The following UPP2 variants were observed in gnomAD, a reference collection of about 807,000 sequenced individuals.
UPP2 encodes uridine phosphorylase 2, also known as UPase 2.
In UPP2, 23 loss-of-function variants were observed where a neutral mutation model predicts 26.7. The observed-to-expected ratio is 0.86, with a 90% CI of 0.62 to 1.22. The LOEUF (loss-of-function observed/expected upper bound fraction) is 1.22, where lower values mean the gene tolerates loss of function less well. UPP2 is among the 50% of genes most tolerant of loss of function. UPP2 has a pLI of 0.00. For synonymous variants in UPP2, 127 were observed against 141.3 expected, an observed-to-expected ratio of 0.90 and a Z score of 0.72; for missense variants, 387 against 396.7, an observed-to-expected ratio of 0.98 and a Z score of 0.21.
At chr2:158,014,782 C>T (rs1184597919) in intron 2 of UPP2, among the ~76,000 whole-genome samples, 3 of 152,202 alleles carry the variant, frequency 2.0e-5, no homozygotes, top group African/African-American at 7.2e-5. Context: ...TCTCCCTCCA[C>T]CCCATAACAA....
upstream of UPP2, among the ~76,000 whole-genome samples, chr2:158,101,553 G>T (rs1211827489): frequency 6.6e-6 from 1 of 152,212 alleles, no homozygotes; most frequent in African/African-American, 2.4e-5. Flanking sequence ...ATGGGGAACT[G>T]AAATGTTTGA....
intron 3 of UPP2, among the ~76,000 whole-genome samples, chr2:158,055,354 C>T (rs539690494): frequency 2.0e-5 from 3 of 152,302 alleles, no homozygotes; most frequent in Non-Finnish European, 2.9e-5. Context: ...GCCCTCACCA[C>T]CCAATCACCT....
chr2:158,094,724 T>G (rs1193790727), intron 3 of UPP2, among the ~76,000 whole-genome samples: 3 of 152,136 alleles, frequency 2.0e-5, no homozygotes, highest in Non-Finnish European at 4.4e-5. Flanking sequence ...ACCTCCACAA[T>G]GTATTAGCAT....
intron 3 of UPP2, among the ~76,000 whole-genome samples, chr2:158,117,059 T>C (rs1341165486): frequency 1.3e-5 from 2 of 152,064 alleles, no homozygotes; most frequent in Non-Finnish European, 2.9e-5. Flanking sequence ...TCTGCTGTTA[T>C]GTCAGGAATT....
At chr2:158,025,055 G>A (rs1683812560) in intron 3 of UPP2, among the ~76,000 whole-genome samples, 1 of 151,974 alleles carries the variant, frequency 6.6e-6, no homozygotes, top group Non-Finnish European at 1.5e-5. Flanking sequence ...ATAAAAATTA[G>A]CCAGGCATGA....
upstream of UPP2, chr2:158,101,855 A>C (rs1048672929): frequency 7.5e-7 from 1 of 1,340,672 alleles, no homozygotes; most frequent in African/African-American, 1.5e-5. Flanking sequence ...AAGTCATGTC[A>C]GGGAGGACAT....
chr2:158,070,580 A>T (rs1202784373), intron 3 of UPP2, among the ~76,000 whole-genome samples: 1 of 152,234 alleles, frequency 6.6e-6, no homozygotes, highest in African/African-American at 2.4e-5. Context: ...TTCACTAAAA[A>T]TATTAATTAA....
intron 3 of UPP2, among the ~76,000 whole-genome samples, chr2:158,071,325 C>T (rs975103896): frequency 3.3e-5 from 5 of 151,914 alleles, no homozygotes; most frequent in South Asian, 2.1e-4. Flanking sequence ...GAGGCTGAGG[C>T]GGATCACTTA....
chr2:158,099,588 A>C (rs548846160), upstream of UPP2, among the ~76,000 whole-genome samples: 8 of 152,228 alleles, frequency 5.3e-5, no homozygotes, highest in African/African-American at 1.9e-4. Flanking sequence ...CTGATACCCC[A>C]TGGAGAGACA....
chr2:158,005,163 A>G (rs962052242), intron 2 of UPP2, among the ~76,000 whole-genome samples: 1 of 152,118 alleles, frequency 6.6e-6, no homozygotes, highest in Admixed American at 6.5e-5. Context: ...GAAATCTGTT[A>G]TGGTCTCTTG....
At chr2:158,122,545 T>C (rs1392903866) in intron 5 of UPP2, among the ~76,000 whole-genome samples, 1 of 152,108 alleles carries the variant, frequency 6.6e-6, no homozygotes, top group African/African-American at 2.4e-5. Flanking sequence ...CACTCACTGA[T>C]ATGTTAAAGC....
chr2:158,029,745 G>A (rs934536041), intron 3 of UPP2, among the ~76,000 whole-genome samples: 1 of 150,292 alleles, frequency 6.7e-6, no homozygotes, highest in Non-Finnish European at 1.5e-5. Flanking sequence ...ATAAATAGAG[G>A]TATTATTCAA....
At chr2:158,060,919 T>C (rs1187108078) in intron 3 of UPP2, among the ~76,000 whole-genome samples, 2 of 152,180 alleles carry the variant, frequency 1.3e-5, no homozygotes, top group African/African-American at 4.8e-5. Context: ...GTTTGTTCTT[T>C]AAGTCACCCG....
chr2:158,015,425 T>C (rs1157068420), intron 2 of UPP2, among the ~76,000 whole-genome samples: 1 of 152,214 alleles, frequency 6.6e-6, no homozygotes. Context: ...TTCCTTCCTT[T>C]TTTAGGCTGA....
chr2:158,004,624 C>G (rs1412060751), intron 2 of UPP2, among the ~76,000 whole-genome samples: 1 of 152,200 alleles, frequency 6.6e-6, no homozygotes, highest in Non-Finnish European at 1.5e-5. Context: ...GCTCTCTCCT[C>G]CTAGTCGGGG....
intron 3 of UPP2, among the ~76,000 whole-genome samples, chr2:158,051,146 ACT>A (rs1682148668): frequency 7.5e-6 from 1 of 133,398 alleles, no homozygotes; most frequent in African/African-American, 2.9e-5. Flanking sequence ...ATTGAGGGTC[ACT>A]CTAGGAATAT....
intron 6 of UPP2, among the ~76,000 whole-genome samples, chr2:158,133,427 G>T (rs1683865599): frequency 6.6e-6 from 1 of 152,094 alleles, no homozygotes; most frequent in African/African-American, 2.4e-5. Flanking sequence ...TTACAAGGAG[G>T]ATTAAGCTCG....
chr2:158,133,666 CATGTACTATT>C (rs1265854889), intron 6 of UPP2: 1 of 152,134 alleles, frequency 6.6e-6, no homozygotes, highest in Admixed American at 6.5e-5. Flanking sequence ...ATAAAGATAG[CATGTACTATT>C]ATAATTACAG....
chr2:158,132,883 G>A (rs1275692278), intron 6 of UPP2, among the ~76,000 whole-genome samples: 1 of 152,186 alleles, frequency 6.6e-6, no homozygotes, highest in East Asian at 1.9e-4. Flanking sequence ...AAAAGTGTTG[G>A]CAGGATGTGG....
Sources: allele counts gnomAD v4.1 joint callset (sites outside exome capture counted in the v4.1 genomes callset), GRCh38; gene constraint gnomAD v4.1.1; transcripts MANE v1.5; gene names NCBI Gene and HGNC (gene_info 2026-07-23, HGNC 2026-07-21).